Variants in EXOC6B observed in about 807,000 individuals in gnomAD.
EXOC6B encodes exocyst complex component 6B, also known as SEC15 homolog B.
In EXOC6B, 54 loss-of-function variants were observed where a neutral mutation model predicts 113.5. The ratio of observed to expected loss-of-function variants is 0.48; its 90% CI spans 0.38 to 0.60. The LOEUF (loss-of-function observed/expected upper bound fraction) is 0.60, where lower values mean the gene tolerates loss of function less well. EXOC6B is among the 20% of genes least tolerant of loss of function. The pLI, the probability that EXOC6B is intolerant of heterozygous loss-of-function variation, is 0.00. For synonymous variants in EXOC6B, 357 were observed against 339.0 expected, an observed-to-expected ratio of 1.05 and a Z score of -0.58; for missense variants, 797 against 977.5, an observed-to-expected ratio of 0.82 and a Z score of 2.46.
chr2:72,657,976 T>C (rs895664260), intron 6 of EXOC6B, among the ~76,000 whole-genome samples: 9 of 151,210 alleles, frequency 6.0e-5, no homozygotes, highest in African/African-American at 1.9e-4. Context: ...CTGTTCTGTA[T>C]TGAGCAAGAA....
At chr2:72,301,633 T>C (rs768024627) in intron 20 of EXOC6B, among the ~76,000 whole-genome samples, 16 of 152,174 alleles carry the variant, frequency 1.1e-4, no homozygotes, top group Non-Finnish European at 1.6e-4. Flanking sequence ...TTTGTGCACA[T>C]ACAGGTGTTC....
chr2:72,651,691 G>C (rs537554531), intron 6 of EXOC6B, among the ~76,000 whole-genome samples: 3 of 152,234 alleles, frequency 2.0e-5, no homozygotes, highest in Admixed American at 2.0e-4. Context: ...CGCCTCCCAG[G>C]TTCATGCCAT....
chr2:72,314,268 C>A (rs1167788062), intron 20 of EXOC6B, among the ~76,000 whole-genome samples: 1 of 152,110 alleles, frequency 6.6e-6, no homozygotes, highest in Non-Finnish European at 1.5e-5. Flanking sequence ...CTAAATTATC[C>A]ATGTCTCATT....
intron 20 of EXOC6B, among the ~76,000 whole-genome samples, chr2:72,224,787 G>A (rs1422349956): frequency 1.3e-5 from 2 of 148,570 alleles, no homozygotes; most frequent in Non-Finnish European, 3.0e-5. Flanking sequence ...ATGCTGCCAC[G>A]TCCAGCTAAT....
chr2:72,455,819 C>G (rs1265139272), intron 18 of EXOC6B, among the ~76,000 whole-genome samples: 1 of 151,504 alleles, frequency 6.6e-6, no homozygotes, highest in Non-Finnish European at 1.5e-5. Flanking sequence ...TATAGACACA[C>G]AGAGAGAGAG....
intron 11 of EXOC6B, among the ~76,000 whole-genome samples, chr2:72,503,868 G>T (rs1417822054): frequency 1.2e-5 from 1 of 84,650 alleles, no homozygotes; most frequent in South Asian, 1.1e-3. Flanking sequence ...TGTGGTTCGT[G>T]TTCTGGATTT....
intron 20 of EXOC6B, among the ~76,000 whole-genome samples, chr2:72,211,955 A>G (rs1680221841): frequency 6.6e-6 from 1 of 151,970 alleles, no homozygotes; most frequent in South Asian, 2.1e-4. Flanking sequence ...CCAAAGACTC[A>G]CTGCTCTAAT....
At chr2:72,545,351 T>C (rs1196886544) in intron 8 of EXOC6B, among the ~76,000 whole-genome samples, 1 of 152,160 alleles carries the variant, frequency 6.6e-6, no homozygotes, top group Admixed American at 6.5e-5. Context: ...TTTGAAGTAT[T>C]TCATTTAAAA....
chr2:72,661,191 T>C (rs562761153), intron 6 of EXOC6B, among the ~76,000 whole-genome samples: 44 of 152,146 alleles, frequency 2.9e-4, no homozygotes, highest in Admixed American at 6.5e-4. Flanking sequence ...GAAGGGGCAA[T>C]TGGAGAAGTC....
chr2:72,744,491 T>C (rs186282488), intron 1 of EXOC6B, among the ~76,000 whole-genome samples: 15 of 152,282 alleles, frequency 9.9e-5, no homozygotes, highest in Admixed American at 9.8e-4. Flanking sequence ...TAATCTCAAA[T>C]AAGCTTAACT....
chr2:72,253,458 AT>A (rs1469409269), intron 20 of EXOC6B, among the ~76,000 whole-genome samples: 1 of 152,214 alleles, frequency 6.6e-6, no homozygotes, highest in South Asian at 2.1e-4. Flanking sequence ...ATGCCTATCA[AT>A]GGTAGGCCGG....
chr2:72,779,789 A>C (rs1198397236), intron 1 of EXOC6B, among the ~76,000 whole-genome samples: 1 of 152,204 alleles, frequency 6.6e-6, no homozygotes, highest in African/African-American at 2.4e-5. Flanking sequence ...TGACAAAAAA[A>C]AGAAAGTCCT....
intron 1 of EXOC6B, among the ~76,000 whole-genome samples, chr2:72,800,106 C>G (rs1201255340): frequency 6.6e-6 from 1 of 151,098 alleles, no homozygotes; most frequent in African/African-American, 2.4e-5. Context: ...TGCCAATATA[C>G]CAAATGTGAA....
intron 20 of EXOC6B, among the ~76,000 whole-genome samples, chr2:72,277,803 T>C (rs944956603): frequency 6.6e-6 from 1 of 151,758 alleles, no homozygotes; most frequent in Admixed American, 6.6e-5. Context: ...CAAAAGTAGG[T>C]ATTTGTAAGT....
intron 1 of EXOC6B, among the ~76,000 whole-genome samples, chr2:72,742,018 G>A (rs962213501): frequency 6.6e-6 from 1 of 152,078 alleles, no homozygotes; most frequent in Non-Finnish European, 1.5e-5. Context: ...CTCCTCAAAT[G>A]TTCATACCTT....
intron 6 of EXOC6B, among the ~76,000 whole-genome samples, chr2:72,585,306 T>A (rs1705486561): frequency 6.6e-6 from 1 of 151,960 alleles, no homozygotes; most frequent in African/African-American, 2.4e-5. Flanking sequence ...CTATCAGAAA[T>A]GACAAAGATG....
intron 17 of EXOC6B, among the ~76,000 whole-genome samples, chr2:72,472,906 T>C (rs913352716): frequency 1.3e-5 from 2 of 152,186 alleles, no homozygotes; most frequent in African/African-American, 2.4e-5. Context: ...CAAAAAACAT[T>C]TATTTCCATA....
At chr2:72,729,205 T>C (rs1317409935) in intron 5 of EXOC6B, among the ~76,000 whole-genome samples, 2 of 152,050 alleles carry the variant, frequency 1.3e-5, no homozygotes, top group African/African-American at 2.4e-5. Context: ...TTTATGATAC[T>C]GGTTTCCTCA....
chr2:72,359,725 A>G (rs562635791), intron 19 of EXOC6B, among the ~76,000 whole-genome samples: 18 of 152,276 alleles, frequency 1.2e-4, no homozygotes, highest in African/African-American at 3.4e-4. Context: ...ACTTATTTGT[A>G]TATTTCTGTT....
Sources: allele counts gnomAD v4.1 joint callset (sites outside exome capture counted in the v4.1 genomes callset), GRCh38; gene constraint gnomAD v4.1.1; transcripts MANE v1.5; gene names NCBI Gene and HGNC (gene_info 2026-07-23, HGNC 2026-07-21).